The following KCNMB2 variants were observed in gnomAD, a reference collection of about 807,000 sequenced individuals.
The protein encoded by KCNMB2 is potassium calcium-activated channel subfamily M regulatory beta subunit 2.
Under a neutral mutation model 24.5 loss-of-function variants are expected in KCNMB2, and 9 were observed. The observed-to-expected ratio is 0.37, with a 90% CI of 0.22 to 0.64. The LOEUF (loss-of-function observed/expected upper bound fraction) is 0.64. Among genes scored for constraint, KCNMB2 ranks in the 30% least tolerant of loss-of-function variants. The pLI is 0.63. For missense variants in KCNMB2, 226 were observed against 284.3 expected, an observed-to-expected ratio of 0.79 and a Z score of 1.47; for synonymous variants, 109 against 104.4, an observed-to-expected ratio of 1.04 and a Z score of -0.27.
intron 2 of KCNMB2, among the ~76,000 whole-genome samples, chr3:178,818,348 G>C (rs569269317): frequency 2.5e-4 from 38 of 152,230 alleles, no homozygotes; most frequent in African/African-American, 8.2e-4. Context: ...GCCATAGGTG[G>C]TTTGCTGCAC....
intron 1 of KCNMB2, among the ~76,000 whole-genome samples, chr3:178,789,966 A>C (rs1321054298): frequency 6.6e-6 from 1 of 151,642 alleles, no homozygotes; most frequent in Non-Finnish European, 1.5e-5. Context: ...CCCCAAACCC[A>C]GGCAGTGCAG....
chr3:178,711,542 G>A (rs925184830), intron 1 of KCNMB2, among the ~76,000 whole-genome samples: 4 of 151,906 alleles, frequency 2.6e-5, no homozygotes, highest in Non-Finnish European at 4.4e-5. Flanking sequence ...CACTAAGAAC[G>A]CAGGATAAGA....
At chr3:178,798,642 C>T (rs1189427378) in intron 1 of KCNMB2, among the ~76,000 whole-genome samples, 2 of 152,070 alleles carry the variant, frequency 1.3e-5, no homozygotes, top group African/African-American at 4.8e-5. Context: ...CCAAGCACTG[C>T]ATGTTCTCAC....
rs75373084 is a variant in KCNMB2, at chr3:178,728,579, T to C, written c.-67-78764T>C. Among the ~76,000 whole-genome samples, 414 of 152,240 alleles carry C rather than the reference T, an allele frequency of 2.7e-3. 5 individuals are homozygous for C. Among genetic ancestry groups the C allele is most frequent in the African/African-American group, 9.6e-3 (399 of 41,540 alleles). ...TCAGCTTTGGGATGAATCTGTGTTCTTGACAACTCTTTGCAAGAGGCACCT... is the reference window on the plus strand; with the variant it reads ...TCAGCTTTGGGATGAATCTGTGTTCCTGACAACTCTTTGCAAGAGGCACCT... On this transcript the variant is annotated intron_variant, in intron 1 of 4. Transcript: ENST00000452583.
chr3:178,791,886 A>G, intron 1 of KCNMB2, among the ~76,000 whole-genome samples: 1 of 152,018 alleles, frequency 6.6e-6, no homozygotes, highest in East Asian at 1.9e-4. Context: ...ATAAAATAGT[A>G]TACCCAGCAA....
chr3:178,647,879 C>T (rs1313069918), intron 1 of KCNMB2, among the ~76,000 whole-genome samples: 1 of 152,072 alleles, frequency 6.6e-6, no homozygotes, highest in Non-Finnish European at 1.5e-5. Context: ...ATAAAGGTCT[C>T]ATTTTAAGTC....
chr3:178,667,661 C>G (rs1720766408), intron 1 of KCNMB2, among the ~76,000 whole-genome samples: 1 of 152,100 alleles, frequency 6.6e-6, no homozygotes, highest in Admixed American at 6.6e-5. Context: ...TAGAAGAAAC[C>G]AATCCTGCTG....
chr3:178,540,522 T>C (rs1328563020), intron 1 of KCNMB2, among the ~76,000 whole-genome samples: 1 of 152,058 alleles, frequency 6.6e-6, no homozygotes, highest in African/African-American at 2.4e-5. Flanking sequence ...AATAATCTGG[T>C]TCCTCCCTGT....
At chr3:178,830,293 T>C (rs1225917518) in intron 4 of KCNMB2, among the ~76,000 whole-genome samples, 1 of 152,208 alleles carries the variant, frequency 6.6e-6, no homozygotes, top group African/African-American at 2.4e-5. Context: ...TTACAGTTCA[T>C]TCATTTTCAT....
chr3:178,647,996 TC>T (rs1162866959), intron 1 of KCNMB2, among the ~76,000 whole-genome samples: 2 of 152,032 alleles, frequency 1.3e-5, no homozygotes, highest in Non-Finnish European at 2.9e-5. Context: ...TATTGTCTTT[TC>T]TTTTTTCTTC....
At chr3:178,722,666 G>C (rs779613510) in intron 1 of KCNMB2, among the ~76,000 whole-genome samples, 8 of 152,136 alleles carry the variant, frequency 5.3e-5, no homozygotes, top group Non-Finnish European at 1.2e-4. Flanking sequence ...ACCAAGATGG[G>C]CAGATGGCTT....
At chr3:178,651,782 C>A in intron 1 of KCNMB2, among the ~76,000 whole-genome samples, 1 of 152,184 alleles carries the variant, frequency 6.6e-6, no homozygotes, top group East Asian at 1.9e-4. Flanking sequence ...CTACAACCAT[C>A]TGATCTTTGA....
chr3:178,658,636 GA>G (rs1287976222), intron 1 of KCNMB2, among the ~76,000 whole-genome samples: 1 of 152,152 alleles, frequency 6.6e-6, no homozygotes, highest in Non-Finnish European at 1.5e-5. Context: ...TTAATGTGGG[GA>G]TGGTTGCCTT....
chr3:178,727,282 C>A (rs547604656), intron 1 of KCNMB2, among the ~76,000 whole-genome samples: 1 of 152,166 alleles, frequency 6.6e-6, no homozygotes, highest in Non-Finnish European at 1.5e-5. Context: ...CCCTATATAC[C>A]TGAATAATTT....
intron 1 of KCNMB2, among the ~76,000 whole-genome samples, chr3:178,651,528 C>T (rs955629274): frequency 2.6e-5 from 4 of 152,162 alleles, no homozygotes; most frequent in Non-Finnish European, 4.4e-5. Flanking sequence ...CTATCCCCAT[C>T]GAGCTACCAT....
At chr3:178,621,370 C>G (rs575710558) in intron 1 of KCNMB2, among the ~76,000 whole-genome samples, 1 of 151,930 alleles carries the variant, frequency 6.6e-6, no homozygotes, top group African/African-American at 2.4e-5. Context: ...ACCCTTCTCT[C>G]TCTGACATCT....
chr3:178,678,641 A>G (rs1560162398), intron 1 of KCNMB2, among the ~76,000 whole-genome samples: 1 of 152,250 alleles, frequency 6.6e-6, no homozygotes, highest in African/African-American at 2.4e-5. Context: ...CAGCACATGA[A>G]AACTCAGATG....
At chr3:178,702,615 A>AATTAATTAATG (rs1722141170) in intron 1 of KCNMB2, among the ~76,000 whole-genome samples, 1 of 152,166 alleles carries the variant, frequency 6.6e-6, no homozygotes, top group Non-Finnish European at 1.5e-5. Context: ...AATGCCACTT[A>AATTAATTAATG]CATTCTATGT....
rs77920555 is a variant in KCNMB2 at position 178,570,227 on chromosome 3, C to T, written c.-68+33516C>T. Among the ~76,000 whole-genome samples, 917 of 152,092 alleles carry T rather than the reference C, an allele frequency of 6.0e-3. 11 individuals are homozygous for T. Among genetic ancestry groups the T allele is most frequent in the Non-Finnish European group, 9.4e-3 (636 of 67,944 alleles). On this transcript the variant is annotated intron_variant, in intron 1 of 4. Transcript: ENST00000452583. Reference sequence around the variant, plus strand: ...TCTCTCACCCATTGAAAGTGGTTTCCTAGTTTTCATGTATTTTTAATTATG... The same window carrying T: ...TCTCTCACCCATTGAAAGTGGTTTCTTAGTTTTCATGTATTTTTAATTATG...
Sources: gnomAD v4.1 joint callset for allele counts (sites outside exome capture counted in the v4.1 genomes callset) on GRCh38, gnomAD v4.1.1 for gene constraint, MANE v1.5 for transcripts, NCBI Gene and HGNC (gene_info 2026-07-23, HGNC 2026-07-21) for gene names.